Variants in CCDC178 observed in about 807,000 individuals in gnomAD.
CCDC178 encodes the protein coiled-coil domain containing 178.
In CCDC178, 126 loss-of-function variants were observed where a neutral mutation model predicts 117.4. The observed-to-expected ratio is 1.07, with a 90% CI of 0.93 to 1.24. The LOEUF (loss-of-function observed/expected upper bound fraction) is 1.24. Among genes scored for constraint, CCDC178 ranks in the 50% most tolerant of loss-of-function variants. The probability of loss-of-function intolerance (pLI) is 0.00; values close to 1 mark genes in which losing one functional copy is unlikely to be tolerated. For missense variants in CCDC178, 1,030 were observed against 986.9 expected (o/e 1.04, Z -0.59); for synonymous variants, 283 against 313.4 (o/e 0.90, Z 1.02).
chr18:33,201,874 C>T lies in CCDC178; in HGVS notation c.2238+10022G>A, dbSNP rs146324661. Among the ~76,000 whole-genome samples, 1,212 of 152,236 alleles carry T rather than the reference C, an allele frequency of 8.0e-3. 21 individuals carry two copies. Among genetic ancestry groups the T allele is most frequent in the African/African-American group, 0.026 (1,096 of 41,532 alleles). On this transcript the variant is annotated intron_variant, in intron 20 of 22. Transcript: ENST00000383096. The stretch of plus-strand genomic sequence containing the variant: ...GGAGAAACGTTGCAGAGCCCCCAAC[C>T]GGTTTACCAAACTGAATAGAAAAGA...
intron 21 of CCDC178, among the ~76,000 whole-genome samples, chr18:33,047,760 A>C (rs1409303590): frequency 6.6e-6 from 1 of 152,192 alleles, no homozygotes. Context: ...CCTAATGCTA[A>C]ACTGGGTTTT....
intron 20 of CCDC178, among the ~76,000 whole-genome samples, chr18:33,174,667 A>G (rs557868930): frequency 2.6e-5 from 4 of 152,248 alleles, no homozygotes; most frequent in African/African-American, 9.6e-5. Context: ...TGTCAACGCC[A>G]TTCCATTTTC....
chr18:33,367,619 A>G (rs137866458), intron 6 of CCDC178, among the ~76,000 whole-genome samples: 2,835 of 151,934 alleles, frequency 0.019, 43 homozygotes, highest in Non-Finnish European at 0.03. Context: ...AAATTTTTTC[A>G]TCTTTCAAAA....
At chr18:33,400,066 T>C (rs570184021) in intron 3 of CCDC178, among the ~76,000 whole-genome samples, 10 of 152,010 alleles carry the variant, frequency 6.6e-5, no homozygotes, top group Non-Finnish European at 1.5e-4. Context: ...TGGATGTATA[T>C]GTTGTCAGTG....
chr18:33,207,708 G>A (rs1438682934), intron 20 of CCDC178, among the ~76,000 whole-genome samples: 1 of 151,828 alleles, frequency 6.6e-6, no homozygotes, highest in East Asian at 1.9e-4. Flanking sequence ...GATTGTCAAT[G>A]CAGAAAATAA....
chr18:33,229,687 T>A (rs951386641), intron 15 of CCDC178, among the ~76,000 whole-genome samples: 1 of 152,138 alleles, frequency 6.6e-6, no homozygotes, highest in African/African-American at 2.4e-5. Context: ...ATAGGAATAT[T>A]TAATGTAGAG....
chr18:33,199,593 C>T (rs2058970343), intron 20 of CCDC178, among the ~76,000 whole-genome samples: 1 of 152,184 alleles, frequency 6.6e-6, no homozygotes, highest in Non-Finnish European at 1.5e-5. Context: ...ATGATGCCAC[C>T]TCTGAAGTTT....
chr18:33,174,206 A>G (rs2058637411), intron 20 of CCDC178, among the ~76,000 whole-genome samples: 1 of 152,036 alleles, frequency 6.6e-6, no homozygotes. Flanking sequence ...AAACGACCAG[A>G]TCTTGTAACA....
At chr18:33,432,676 G>C (rs1568224131) in intron 2 of CCDC178, among the ~76,000 whole-genome samples, 1 of 152,088 alleles carries the variant, frequency 6.6e-6, no homozygotes, top group African/African-American at 2.4e-5. Context: ...CCCAATAAGG[G>C]AAACATTATC....
At chr18:33,290,898 TA>T (rs2060158484) in intron 12 of CCDC178, among the ~76,000 whole-genome samples, 2 of 152,160 alleles carry the variant, frequency 1.3e-5, no homozygotes, top group South Asian at 2.1e-4. Flanking sequence ...TTCTATATTA[TA>T]AAAAAAGTAA....
intron 20 of CCDC178, among the ~76,000 whole-genome samples, chr18:33,124,403 T>G (rs1396171316): frequency 6.6e-6 from 1 of 152,168 alleles, no homozygotes; most frequent in Admixed American, 6.6e-5. Context: ...ACAGGTTTTA[T>G]GTGTAAGAAA....
chr18:32,946,896 T>C (rs1434471896), intron 22 of CCDC178, among the ~76,000 whole-genome samples: 5 of 151,828 alleles, frequency 3.3e-5, no homozygotes, highest in African/African-American at 1.2e-4. Flanking sequence ...TCTCCTGTCT[T>C]AGCCTCCGGA....
At chr18:33,360,901 A>G (rs1451040352) in intron 6 of CCDC178, among the ~76,000 whole-genome samples, 1 of 151,728 alleles carries the variant, frequency 6.6e-6, no homozygotes, top group Non-Finnish European at 1.5e-5. Context: ...TAATATTGCT[A>G]AAATAATCCT....
chr18:33,118,233 A>T (rs1434205511), intron 20 of CCDC178, among the ~76,000 whole-genome samples: 2 of 151,998 alleles, frequency 1.3e-5, no homozygotes, highest in Non-Finnish European at 2.9e-5. Context: ...ACTAGGTGGC[A>T]ATGCCTCCTA....
intron 21 of CCDC178, among the ~76,000 whole-genome samples, chr18:32,998,248 C>G (rs1462311493): frequency 1.3e-5 from 2 of 152,188 alleles, no homozygotes; most frequent in Non-Finnish European, 2.9e-5. Flanking sequence ...TGGGAAAGAA[C>G]TCAGTGGACA....
intron 15 of CCDC178, among the ~76,000 whole-genome samples, chr18:33,240,765 T>G (rs2059477941): frequency 6.6e-6 from 1 of 151,964 alleles, no homozygotes. Context: ...TGCTGAATTC[T>G]ACTAACCTTT....
chr18:33,229,044 C>T (rs1335089519), intron 15 of CCDC178, among the ~76,000 whole-genome samples: 4 of 152,088 alleles, frequency 2.6e-5, no homozygotes, highest in Admixed American at 2.6e-4. Context: ...AGGCATTGTT[C>T]CCTGTAAAGC....
intron 20 of CCDC178, among the ~76,000 whole-genome samples, chr18:33,123,235 G>A (rs867050167): frequency 2.6e-5 from 4 of 152,086 alleles, no homozygotes; most frequent in Non-Finnish European, 4.4e-5. Context: ...CTAATTGGCA[G>A]TAAAATTCAT....
chr18:33,162,429 T>C (rs1325711204), intron 20 of CCDC178, among the ~76,000 whole-genome samples: 1 of 152,216 alleles, frequency 6.6e-6, no homozygotes. Flanking sequence ...ATGTTTTTAT[T>C]ACTTTTTTAA....
Sources: allele counts gnomAD v4.1 joint callset (sites outside exome capture counted in the v4.1 genomes callset), GRCh38; gene constraint gnomAD v4.1.1; transcripts MANE v1.5; gene names NCBI Gene and HGNC (gene_info 2026-07-23, HGNC 2026-07-21).